RABGAP1L: variants seen among roughly 807,000 people sequenced by gnomAD.
The protein encoded by RABGAP1L is rab GTPase-activating protein 1-like.
In RABGAP1L, 63 loss-of-function variants were observed where a neutral mutation model predicts 137.7. The ratio of observed to expected loss-of-function variants is 0.46; its 90% CI spans 0.37 to 0.56. The LOEUF (loss-of-function observed/expected upper bound fraction) is 0.56, where lower values mean the gene tolerates loss of function less well. Ranked by LOEUF, RABGAP1L falls within the 20% of genes least tolerant of loss-of-function variation. The probability of loss-of-function intolerance (pLI) is 0.00; values close to 1 mark genes in which losing one functional copy is unlikely to be tolerated. For missense variants in RABGAP1L, 1,095 were observed against 1,244.0 expected, an observed-to-expected ratio of 0.88 and a Z score of 1.80; for synonymous variants, 431 against 433.7, an observed-to-expected ratio of 0.99 and a Z score of 0.08.
In RABGAP1L at chr1:174,699,625, T is replaced by G; in HGVS notation, c.2000T>G (p.Phe667Cys). 6.2e-7 allele frequency: 1 copy of G among 1,608,430 alleles called. No individual in the cohort carries two copies. The highest frequency in any genetic ancestry group is 8.5e-7 in the Non-Finnish European group (1 of 1,174,960). Residue 667 changes from phenylalanine (F) to cysteine (C), a missense_variant, in exon 16 of 26, where the codon TTC becomes TGC. Physicochemically the swap from Phe to Cys is radical, Grantham distance 205. Around this residue, in one of 4 missense-constraint regions of RABGAP1L, gnomAD observed 315 missense variants for 324.8 expected, o/e 0.97. Transcript: ENST00000681986. ...RNNFEDLHCK[F>C]YQLERLMQEQ... ...AACTTCGAAGATCTTCATTGCAAATTCTACCAGTTGGAGAGACTAATGCAG... is the reference window on the plus strand; with the variant it reads ...AACTTCGAAGATCTTCATTGCAAATGCTACCAGTTGGAGAGACTAATGCAG...
At chr1:174,838,897 G>A (rs888257144) in intron 19 of RABGAP1L, among the ~76,000 whole-genome samples, 31 of 102,552 alleles carry the variant, frequency 3.0e-4, no homozygotes, top group African/African-American at 9.4e-4. Flanking sequence ...CAGCCTGGGC[G>A]ACAAAGCGAG....
At chr1:174,181,269 T>C (rs1183911003) in intron 1 of RABGAP1L, among the ~76,000 whole-genome samples, 1 of 152,114 alleles carries the variant, frequency 6.6e-6, no homozygotes, top group African/African-American at 2.4e-5. Flanking sequence ...GTCTCCCAAG[T>C]AGCTGGAATT....
chr1:174,323,854 T>C (rs901503664), intron 11 of RABGAP1L, among the ~76,000 whole-genome samples: 3 of 152,192 alleles, frequency 2.0e-5, no homozygotes, highest in African/African-American at 7.2e-5. Context: ...TATGATAAAT[T>C]ACTCAATGTT....
intron 16 of RABGAP1L, chr1:174,700,365 G>A (rs2148519071): frequency 6.6e-6 from 1 of 152,278 alleles, no homozygotes; most frequent in East Asian, 1.9e-4. Flanking sequence ...AAGGGGTTTT[G>A]GGAATCCAAG....
rs150204389 is a variant in RABGAP1L, at chr1:174,229,064, C to T, written c.332-2081C>T. ...TCATTATGATGGGGATGGAATTGGG[C>T]GAAGCAATCGTAGATTCATTCATCA... On this transcript the variant is annotated intron_variant, in intron 3 of 25. Coordinates refer to ENST00000681986, the MANE Select transcript of RABGAP1L (RefSeq NM_001366446.1). 6.0e-4 allele frequency among the ~76,000 whole-genome samples: 91 copies of T among 150,786 alleles called. No homozygotes were observed. In the South Asian group the frequency reaches 7.6e-3, roughly 13 times the overall value.
chr1:174,653,720 C>T (rs1675747617), intron 14 of RABGAP1L, among the ~76,000 whole-genome samples: 1 of 152,198 alleles, frequency 6.6e-6, no homozygotes, highest in Non-Finnish European at 1.5e-5. Flanking sequence ...GTTCATCTTG[C>T]CAGCCCTATG....
At chr1:174,954,614 G>A (rs1464560642) in intron 19 of RABGAP1L, among the ~76,000 whole-genome samples, 1 of 152,172 alleles carries the variant, frequency 6.6e-6, no homozygotes, top group Non-Finnish European at 1.5e-5. Context: ...TCAGTCACTG[G>A]TGAGTGGATC....
At chr1:174,466,269 T>C (rs189674379) in intron 13 of RABGAP1L, among the ~76,000 whole-genome samples, 57 of 152,374 alleles carry the variant, frequency 3.7e-4, no homozygotes, top group African/African-American at 1.2e-3. Context: ...TTTAGAAAGC[T>C]TATGTTCCTT....
At chr1:174,559,206 A>C (rs567055170) in intron 13 of RABGAP1L, among the ~76,000 whole-genome samples, 2 of 152,316 alleles carry the variant, frequency 1.3e-5, no homozygotes, top group East Asian at 3.9e-4. Flanking sequence ...AATAGGTACT[A>C]TATTTTCTAT....
chr1:174,954,525 G>A (rs1169480511), intron 19 of RABGAP1L, among the ~76,000 whole-genome samples: 1 of 151,924 alleles, frequency 6.6e-6, no homozygotes, highest in Non-Finnish European at 1.5e-5. Context: ...TCTCTTACAT[G>A]TAAAAAAAAA....
At chr1:174,188,059 CAGA>C (rs2148324986) in intron 1 of RABGAP1L, among the ~76,000 whole-genome samples, 1 of 152,156 alleles carries the variant, frequency 6.6e-6, no homozygotes, top group African/African-American at 2.4e-5. Context: ...TTTGCATGAC[CAGA>C]AATTCTCTGA....
intron 14 of RABGAP1L, among the ~76,000 whole-genome samples, chr1:174,665,444 G>GCCCCA (rs1322777799): frequency 4.4e-5 from 2 of 45,068 alleles, no homozygotes; most frequent in African/African-American, 9.2e-5. Context: ...GCCCCGCCCC[G>GCCCCA]CCCCGCCTCG....
intron 11 of RABGAP1L, among the ~76,000 whole-genome samples, chr1:174,313,006 A>G (rs1427735137): frequency 6.6e-6 from 1 of 152,068 alleles, no homozygotes; most frequent in African/African-American, 2.4e-5. Context: ...ATAGCTCTGT[A>G]GTATAGTTTG....
chr1:174,422,945 C>CA (rs202100563), intron 13 of RABGAP1L, among the ~76,000 whole-genome samples: 4,328 of 77,394 alleles, frequency 0.056, 79 homozygotes, highest in African/African-American at 0.087. Context: ...AGATTCTGTC[C>CA]AAAAAAAAAA....
In RABGAP1L at chr1:174,347,773, C is replaced by T. The variant is rs530298952; in HGVS notation, c.1466-23206C>T. Among the ~76,000 whole-genome samples, 7 of 152,290 alleles carry T rather than the reference C, an allele frequency of 4.6e-5. No individual in the cohort carries two copies. In the East Asian group the frequency reaches 7.7e-4, roughly 17 times the overall value. On this transcript the variant is annotated intron_variant, in intron 11 of 25. Transcript: ENST00000681986. ...CCTCCCAGAGTGCTAGGATTACAGG[C>T]GTGAGCCATACAGTTTTTCTCTTGA...
At chr1:174,479,746 A>G (rs953734106) in intron 13 of RABGAP1L, among the ~76,000 whole-genome samples, 2 of 152,228 alleles carry the variant, frequency 1.3e-5, no homozygotes, top group African/African-American at 4.8e-5. Context: ...AATGGTGAAG[A>G]CCATAGCTCA....
At chr1:174,674,449 G>A (rs332776) in intron 14 of RABGAP1L, among the ~76,000 whole-genome samples, 53,846 of 147,896 alleles carry the variant, frequency 0.36, 12,940 homozygotes, top group African/African-American at 0.69. Flanking sequence ...AGTATTCCAT[G>A]GTGTATATGT....
intron 13 of RABGAP1L, among the ~76,000 whole-genome samples, chr1:174,609,920 T>G (rs1480171171): frequency 6.6e-6 from 1 of 151,980 alleles, no homozygotes; most frequent in East Asian, 1.9e-4. Flanking sequence ...TAGTAGGATT[T>G]TCCATTTCTG....
intron 19 of RABGAP1L, among the ~76,000 whole-genome samples, chr1:174,840,787 G>A (rs1157800183): frequency 6.8e-6 from 1 of 146,966 alleles, no homozygotes; most frequent in Non-Finnish European, 1.5e-5. Context: ...TTGCATTCCA[G>A]CCTGGGTGAC....
Sources: allele counts gnomAD v4.1 joint callset (sites outside exome capture counted in the v4.1 genomes callset), GRCh38; gene constraint gnomAD v4.1.1; regional missense constraint gnomAD v4.1.1; transcripts MANE v1.5; gene names NCBI Gene and HGNC (gene_info 2026-07-23, HGNC 2026-07-21).